UNC5C: variants seen among roughly 807,000 people sequenced by gnomAD.
UNC5C encodes unc-5 netrin receptor C, also known as netrin receptor UNC5C.
In UNC5C, 47 loss-of-function variants were observed where a neutral mutation model predicts 99.8. The ratio of observed to expected loss-of-function variants is 0.47; its 90% CI spans 0.37 to 0.60. The LOEUF (loss-of-function observed/expected upper bound fraction) is 0.60. UNC5C is among the 20% of genes least tolerant of loss of function. The probability of loss-of-function intolerance (pLI) is 0.00; values close to 1 mark genes in which losing one functional copy is unlikely to be tolerated. For synonymous variants in UNC5C, 487 were observed against 452.2 expected, an observed-to-expected ratio of 1.08 and a Z score of -0.98; for missense variants, 1,062 against 1,165.9, an observed-to-expected ratio of 0.91 and a Z score of 1.30.
At chr4:95,496,655 A>G (rs186123373) in intron 1 of UNC5C, among the ~76,000 whole-genome samples, 25 of 151,946 alleles carry the variant, frequency 1.6e-4, no homozygotes, top group Non-Finnish European at 3.2e-4. Flanking sequence ...GAGGACAAAT[A>G]TAACAAGAAA....
rs141295219 is a variant in UNC5C at position 95,288,495 on chromosome 4, C to T, written c.491-10133G>A. 4.9e-3 allele frequency among the ~76,000 whole-genome samples: 745 copies of T among 152,306 alleles called. 10 individuals are homozygous for T. The highest frequency in any genetic ancestry group is 0.017 in the African/African-American group (705 of 41,552). ...TGAATTTGCTGGAAAATGGATGCCG[C>T]GTAGCAGCTGTATTTGTTTCCAGTG... is the stretch of plus-strand genomic sequence containing the variant. On this transcript the variant is annotated intron_variant, in intron 3 of 15. Transcript: ENST00000453304.
At chr4:95,459,926 A>G (rs997172918) in intron 1 of UNC5C, among the ~76,000 whole-genome samples, 1 of 152,236 alleles carries the variant, frequency 6.6e-6, no homozygotes, top group Admixed American at 6.5e-5. Flanking sequence ...TGCATGAAAT[A>G]TAATTCCTAT....
chr4:95,277,181 G>A (rs945408414), intron 4 of UNC5C, among the ~76,000 whole-genome samples: 1 of 152,120 alleles, frequency 6.6e-6, no homozygotes, highest in Non-Finnish European at 1.5e-5. Context: ...TCAGAGATAG[G>A]CACAACTTCA....
chr4:95,393,332 G>T (rs1745414062), intron 1 of UNC5C, among the ~76,000 whole-genome samples: 3 of 152,136 alleles, frequency 2.0e-5, no homozygotes, highest in African/African-American at 4.8e-5. Context: ...TTCCAAGATG[G>T]AACTTTCGTG....
intron 6 of UNC5C, among the ~76,000 whole-genome samples, chr4:95,244,542 C>T (rs952422316): frequency 1.3e-5 from 2 of 152,174 alleles, no homozygotes; most frequent in African/African-American, 2.4e-5. Context: ...TTGCCCTTCA[C>T]CAGAAACTGA....
chr4:95,448,221 T>TGAGAGAGAGAGAGAGAGA (rs1284671236), intron 1 of UNC5C, among the ~76,000 whole-genome samples: 4 of 111,356 alleles, frequency 3.6e-5, no homozygotes, highest in South Asian at 2.8e-4. Flanking sequence ...TGTGTGTGTG[T>TGAGAGAGAGAGAGAGAGA]GTGTGTGAGA....
intron 1 of UNC5C, among the ~76,000 whole-genome samples, chr4:95,514,108 T>G (rs1339394522): frequency 6.6e-6 from 1 of 152,162 alleles, no homozygotes; most frequent in Non-Finnish European, 1.5e-5. Flanking sequence ...ACAGTAACAT[T>G]TTCCTCATTT....
At chr4:95,212,612 C>T (rs1159454558) in intron 10 of UNC5C, among the ~76,000 whole-genome samples, 1 of 152,146 alleles carries the variant, frequency 6.6e-6, no homozygotes, top group East Asian at 1.9e-4. Flanking sequence ...TCTGCTTCTG[C>T]ATTTTCTCGG....
intron 1 of UNC5C, among the ~76,000 whole-genome samples, chr4:95,375,847 G>A (rs977252881): frequency 5.9e-5 from 9 of 152,270 alleles, no homozygotes; most frequent in Admixed American, 2.0e-4. Flanking sequence ...GGAGGCCAAG[G>A]CAGGTAGATC....
intron 1 of UNC5C, among the ~76,000 whole-genome samples, chr4:95,395,923 G>A (rs1435993460): frequency 6.6e-6 from 1 of 152,190 alleles, no homozygotes; most frequent in Admixed American, 6.5e-5. Flanking sequence ...CTGTCTCTGG[G>A]TCTCATAGAG....
intron 12 of UNC5C, among the ~76,000 whole-genome samples, chr4:95,192,193 A>C (rs1238582232): frequency 5.0e-4 from 38 of 76,382 alleles, no homozygotes; most frequent in East Asian, 8.9e-4. Context: ...CCTTTCTCAT[A>C]TCCTCCTCTA....
intron 2 of UNC5C, among the ~76,000 whole-genome samples, chr4:95,310,394 A>G (rs1437069302): frequency 6.7e-6 from 1 of 149,988 alleles, no homozygotes; most frequent in Non-Finnish European, 1.5e-5. Flanking sequence ...AGTTGATGGT[A>G]ATGTGTTGTG....
chr4:95,461,970 C>G (rs1000654828), intron 1 of UNC5C, among the ~76,000 whole-genome samples: 5 of 152,020 alleles, frequency 3.3e-5, no homozygotes, highest in Non-Finnish European at 2.9e-5. Context: ...GCAGTTGGAA[C>G]TATTTATTGA....
At chr4:95,366,802 A>G (rs1302701285) in intron 1 of UNC5C, among the ~76,000 whole-genome samples, 1 of 151,878 alleles carries the variant, frequency 6.6e-6, no homozygotes, top group East Asian at 1.9e-4. Flanking sequence ...AGAGCTAAAC[A>G]TTGAGGCTGT....
intron 1 of UNC5C, among the ~76,000 whole-genome samples, chr4:95,536,867 T>C (rs188669366): frequency 1.8e-3 from 268 of 152,304 alleles, no homozygotes; most frequent in African/African-American, 6.3e-3. Context: ...GGGATTTTGG[T>C]TAGTAATTTA....
chr4:95,539,662 C>T (rs1214566384), intron 1 of UNC5C, among the ~76,000 whole-genome samples: 8 of 152,166 alleles, frequency 5.3e-5, no homozygotes, highest in Admixed American at 4.6e-4. Flanking sequence ...CACACACTCA[C>T]ATACAATTTG....
chr4:95,224,994 G>A (rs958838706), intron 7 of UNC5C, among the ~76,000 whole-genome samples: 9 of 152,058 alleles, frequency 5.9e-5, no homozygotes, highest in African/African-American at 1.9e-4. Context: ...AATGGTTAGA[G>A]GGTGGGGAGC....
At chr4:95,376,756 T>G in intron 1 of UNC5C, among the ~76,000 whole-genome samples, 1 of 152,236 alleles carries the variant, frequency 6.6e-6, no homozygotes, top group East Asian at 1.9e-4. Flanking sequence ...GATAAACCAC[T>G]ATTGTTGTGT....
chr4:95,251,390 C>CA (rs1324814383), intron 4 of UNC5C, among the ~76,000 whole-genome samples: 1 of 152,142 alleles, frequency 6.6e-6, no homozygotes, highest in African/African-American at 2.4e-5. Flanking sequence ...ATCTTTGGCT[C>CA]AGGGTGTGCT....
Sources: allele counts gnomAD v4.1 joint callset (sites outside exome capture counted in the v4.1 genomes callset), GRCh38; gene constraint gnomAD v4.1.1; transcripts MANE v1.5; gene names NCBI Gene and HGNC (gene_info 2026-07-23, HGNC 2026-07-21).